The following DOT1L variants were observed in gnomAD, a reference collection of about 807,000 sequenced individuals.
The protein encoded by DOT1L is histone-lysine N-methyltransferase, H3 lysine-79 specific.
A neutral mutation model predicts 153.3 loss-of-function variants in DOT1L; 33 were observed. That is an observed-to-expected ratio of 0.22 (90% CI 0.16 to 0.29). DOT1L has a LOEUF of 0.29. DOT1L is among the 10% of genes least tolerant of loss of function. The pLI is 1.00. For synonymous variants in DOT1L, 1,135 were observed against 965.1 expected (o/e 1.18, Z -3.26); for missense variants, 1,847 against 2,119.9 (o/e 0.87, Z 2.53).
In DOT1L at chr19:2,179,767, A is replaced by G. The variant is rs145936083; in HGVS notation, c.82-946A>G. ...GGTTGCAGTGAGCCGAGATTGCACCACTTCACTCCAGCCTGGGCGACAAAC... is the reference window on the plus strand; with the variant it reads ...GGTTGCAGTGAGCCGAGATTGCACCGCTTCACTCCAGCCTGGGCGACAAAC... On this transcript the variant is annotated intron_variant, in intron 1 of 27. Coordinates refer to ENST00000398665, the MANE Select transcript of DOT1L (RefSeq NM_032482.3). Among the ~76,000 whole-genome samples, 1,234 of 152,118 alleles carry G rather than the reference A, an allele frequency of 8.1e-3. 9 individuals carry two copies. The highest frequency in any genetic ancestry group is 0.013 in the Non-Finnish European group (894 of 67,982).
chr19:2,226,348 G>C lies in DOT1L; in HGVS notation c.3827G>C (p.Arg1276Pro), dbSNP rs1358981741. 2 of 1,592,334 alleles carry C rather than the reference G, an allele frequency of 1.3e-6. No homozygotes were observed. Among genetic ancestry groups the C allele is most frequent in the Non-Finnish European group, 1.7e-6 (2 of 1,171,584 alleles). ...ALSQNSLFTF[R>P]PALEEPSADA... ...AGCCAGAACTCCCTGTTCACGTTCC[G>C]GCCCGCCCTGGAGGAGCCCTCTGCC... Residue 1276 changes from arginine to proline, a missense_variant, in exon 27 of 28, where the codon CGG (arginine) becomes CCG (proline). Arg to Pro is a moderately radical substitution (Grantham distance 103, BLOSUM62 -2). Coordinates refer to ENST00000398665, the MANE Select transcript of DOT1L (RefSeq NM_032482.3).
chr19:2,229,151 G>A (rs2024492356), intron 27 of DOT1L: 4 of 985,352 alleles, frequency 4.1e-6, no homozygotes, highest in Non-Finnish European at 4.8e-6. Context: ...GTTGGAAGCA[G>A]GAGTGATTTT....
intron 17 of DOT1L, 28 bp downstream of exon 17, chr19:2,213,668 G>A (rs372886299): frequency 3.1e-6 from 5 of 1,612,282 alleles, no homozygotes; most frequent in Non-Finnish European, 4.2e-6. Flanking sequence ...GCAGGTGGCA[G>A]GTGGCAGCTG....
Position 2,218,043 on chromosome 19 carries a change from CAAGGTGGGCTGTCCA to C in DOT1L, c.2691+129_2691+143del, listed in dbSNP as rs2023969998. ...AATGTCGAGCGTGAGGCAATGCAGT[CAAGGTGGGCTGTCCA>C]AAGCCGGGGCGTGTCCGGTGACCTG... On this transcript the variant is annotated intron_variant, in intron 22 of 27. Transcript: ENST00000398665. The C allele has an allele frequency of 5.1e-6, 7 of 1,377,202 alleles. No homozygotes were observed. In the Admixed American group the frequency reaches 1.6e-4, roughly 31 times the overall value. The allele number at this position is 1,377,202 out of a possible 1,614,324, so 85.3% of individuals were successfully genotyped here.
At chr19:2,192,672 CA>C (rs71176526) in intron 5 of DOT1L, among the ~76,000 whole-genome samples, 38,831 of 95,084 alleles carry the variant, frequency 0.41, 5,335 homozygotes, top group Middle Eastern at 0.54. Flanking sequence ...GACTCCGTCT[CA>C]AAAAAAAAAA....
intron 3 of DOT1L, among the ~76,000 whole-genome samples, chr19:2,188,030 C>T (rs1275543364): frequency 3.3e-5 from 5 of 152,046 alleles, no homozygotes; most frequent in Non-Finnish European, 7.4e-5. Context: ...GTTCCTCCGG[C>T]CCGCATGGTG....
Position 2,208,894 on chromosome 19 carries a change from T to G in DOT1L, c.964-41T>G, listed in dbSNP as rs770252975. ...TGTCCAGACAAATCCGAACAGAGAT[T>G]GGGACTCCCTTCTAATCAGGGTTCT... On this transcript the variant is annotated intron_variant, in intron 11 of 27. Coordinates refer to ENST00000398665, the MANE Select transcript of DOT1L (RefSeq NM_032482.3). The surrounding 1 kb of genome is among the most constrained non-coding windows in gnomAD (Gnocchi z 4.4). 6.2e-7 allele frequency: 1 copy of G among 1,602,608 alleles called. No individual in the cohort carries two copies. The highest frequency in any genetic ancestry group is 2.2e-5 in the East Asian group (1 of 44,720).
chr19:2,183,853 C>T (rs1016730296), intron 2 of DOT1L, among the ~76,000 whole-genome samples: 1 of 152,108 alleles, frequency 6.6e-6, no homozygotes, highest in Non-Finnish European at 1.5e-5. Flanking sequence ...TCTCGAACTC[C>T]TGACCTCGTG....
In DOT1L at chr19:2,229,910, C is replaced by A; in HGVS notation, c.*118C>A. ...CCTGGACGGCAGAGGCAAGGACGGA[C>A]GGGAGCTCCACTGTGAATCGGCGGC... On this transcript the variant is annotated 3_prime_UTR_variant, in exon 28 of 28. Transcript: ENST00000398665. 6.3e-7 allele frequency: 1 copy of A among 1,581,944 alleles called. No homozygotes were observed. The highest frequency in any genetic ancestry group is 8.6e-7 in the Non-Finnish European group (1 of 1,157,820).
chr19:2,216,444 G>C lies in DOT1L; in HGVS notation c.2087G>C (p.Cys696Ser). 6.2e-7 allele frequency: 1 copy of C among 1,612,604 alleles called. No individual in the cohort carries two copies. The highest frequency in any genetic ancestry group is 1.3e-5 in the African/African-American group (1 of 75,056). Residue 696 changes from cysteine (C) to serine (S), a missense_variant, in exon 20 of 28, where the codon TGC (cysteine) becomes TCC (serine). By Grantham distance (112) the Cys-to-Ser change is moderately radical (BLOSUM62 -1). Coordinates refer to ENST00000398665, the MANE Select transcript of DOT1L (RefSeq NM_032482.3). ...AGCCGGCTGCACCTGGAGCTGGACT[G>C]CACCAAGTTCTCGCTGCCTCACTTG... Reference protein sequence around the residue: ...DASRLHLELDCTKFSLPHLSS... With the variant: ...DASRLHLELDSTKFSLPHLSS...
chr19:2,191,323 GTT>G lies in DOT1L; in HGVS notation c.493+85_493+86del. On this transcript the variant is annotated intron_variant, in intron 5 of 27. Coordinates refer to ENST00000398665, the MANE Select transcript of DOT1L (RefSeq NM_032482.3). The surrounding 1 kb of genome is among the most constrained non-coding windows in gnomAD (Gnocchi z 6.8). ...CTGCCCCATGCCTGCTTGGAGAAGAGTTTATCAGGGACTTGCGACGTTGGCGT... is the reference window on the plus strand; with the variant it reads ...CTGCCCCATGCCTGCTTGGAGAAGAGTATCAGGGACTTGCGACGTTGGCGT... 1 of 1,409,162 alleles carries G rather than the reference GTT, an allele frequency of 7.1e-7. No homozygotes were observed. Among genetic ancestry groups the G allele is most frequent in the South Asian group, 1.2e-5 (1 of 85,490 alleles). 87.3% of individuals were successfully genotyped at this position (1,409,162 alleles called of 1,614,324 possible).
In DOT1L at chr19:2,226,524, G is replaced by T; in HGVS notation, c.4003G>T (p.Ala1335Ser). Reference protein sequence around the residue: ...DLSLHSFSDGASLPHKGPEAA... With the variant: ...DLSLHSFSDGSSLPHKGPEAA... ...GAGTTTACACAGCTTCAGTGATGGT[G>T]CTTCTCTTCCCCACAAGGGCCCCGA... The change falls in exon 27 of 28, where the codon GCT (alanine) becomes TCT (serine). Residue 1335 changes from alanine (A) to serine (S), a missense_variant. Physicochemically the swap from Ala to Ser is moderately conservative, Grantham distance 99 (BLOSUM62 1). Transcript: ENST00000398665. 6.2e-7 allele frequency: 1 copy of T among 1,600,770 alleles called. No homozygotes were observed.
At position 2,208,093 on chromosome 19, in the gene DOT1L, TG is replaced by T. The variant is rs2023574248; in HGVS notation, c.963+417del. Among the ~76,000 whole-genome samples, 2 of 151,934 alleles carry T rather than the reference TG, an allele frequency of 1.3e-5. No individual in the cohort carries two copies. Among genetic ancestry groups the T allele is most frequent in the Admixed American group, 1.3e-4 (2 of 15,264 alleles). On this transcript the variant is annotated intron_variant, in intron 11 of 27. Transcript: ENST00000398665. This position sits in a 1 kb window ranked among gnomAD's most constrained non-coding sequence, Gnocchi z 4.4. Reference sequence around the variant, plus strand: ...GCGGGGAGACACCAGGGTCCATGGGTGGGGTCTGGGATGCTTCTTCCCTCCC... The same window carrying T: ...GCGGGGAGACACCAGGGTCCATGGGTGGGTCTGGGATGCTTCTTCCCTCCC...
In DOT1L at chr19:2,213,559, G is replaced by T. The variant is rs752931115; in HGVS notation, c.1578G>T (p.Leu526=). Residue 526 remains leucine (L), a synonymous_variant, in exon 17 of 28, where the codon CTG becomes CTT. Coordinates refer to ENST00000398665, the MANE Select transcript of DOT1L (RefSeq NM_032482.3). The part of the protein sequence containing the change: ...GQEKEKNAQL[L]GAAQQLLSHC... ...TACAGGAGAAGAACGCCCAGCTCCT[G>T]GGTGCGGCTCAGCAGCTCCTCAGCC... is the stretch of plus-strand genomic sequence containing the variant. 2 of 1,613,204 alleles carry T rather than the reference G, an allele frequency of 1.2e-6. No individual in the cohort carries two copies. The highest frequency in any genetic ancestry group is 2.2e-5 in the East Asian group (1 of 44,878).
At position 2,217,133 on chromosome 19, in the gene DOT1L, G is replaced by T; in HGVS notation, c.2544+43G>T. The stretch of plus-strand genomic sequence containing the variant: ...TGCCCCGGGCTCAGGGAGGTGCTCA[G>T]CAGAGGCGGCCTGAGCGAGTTGCTA... On this transcript the variant is annotated intron_variant, in intron 21 of 27. Coordinates refer to ENST00000398665, the MANE Select transcript of DOT1L (RefSeq NM_032482.3). The surrounding 1 kb of genome is among the most constrained non-coding windows in gnomAD (Gnocchi z 7.3). The T allele has an allele frequency of 6.5e-7, 1 of 1,534,736 alleles. No homozygotes were observed. The highest frequency in any genetic ancestry group is 8.8e-7 in the Non-Finnish European group (1 of 1,141,562).
In DOT1L at chr19:2,203,709, C is replaced by T. The variant is rs531233242; in HGVS notation, c.787+930C>T. ...GACCACACTCTGTGGACTGCCCATT[C>T]CCTAAACATGGAGACTGAGCCTGCC... On this transcript the variant is annotated intron_variant, in intron 9 of 27. Coordinates refer to ENST00000398665, the MANE Select transcript of DOT1L (RefSeq NM_032482.3). 4.6e-5 allele frequency among the ~76,000 whole-genome samples: 7 copies of T among 152,334 alleles called. No individual in the cohort carries two copies. The South Asian group carries it at 8.3e-4, about 18-fold the overall frequency.
At chr19:2,173,361 G>A (rs1223194997) in intron 1 of DOT1L, among the ~76,000 whole-genome samples, 1 of 152,152 alleles carries the variant, frequency 6.6e-6, no homozygotes, top group African/African-American at 2.4e-5. Flanking sequence ...GTGTTGCTTT[G>A]CTGCTGGAAA....
chr19:2,210,902 G>T, intron 14 of DOT1L, 47 bp downstream of exon 14: 1 of 1,595,102 alleles, frequency 6.3e-7, no homozygotes, highest in Non-Finnish European at 8.6e-7. Context: ...GAGTGCGGAT[G>T]CCTGGGGTCC....
chr19:2,227,643 T>C, intron 27 of DOT1L: 1 of 1,241,046 alleles, frequency 8.1e-7, no homozygotes, highest in Non-Finnish European at 1.0e-6. Flanking sequence ...GGCGGCGCCG[T>C]TTCGCTTCCC....
Sources: gnomAD v4.1 joint callset for allele counts (sites outside exome capture counted in the v4.1 genomes callset) on GRCh38, gnomAD v4.1.1 for gene constraint, Gnocchi (gnomAD v3.1) non-coding constraint, MANE v1.5 for transcripts, NCBI Gene and HGNC (gene_info 2026-07-23, HGNC 2026-07-21) for gene names.